The following EPHB2 variants were observed in gnomAD, a reference collection of about 807,000 sequenced individuals.
The protein encoded by EPHB2 is EPH receptor B2.
In EPHB2, 18 loss-of-function variants were observed where a neutral mutation model predicts 96.4. The ratio of observed to expected loss-of-function variants is 0.19; its 90% CI spans 0.13 to 0.28. The LOEUF (loss-of-function observed/expected upper bound fraction) is 0.28, where lower values mean the gene tolerates loss of function less well. Among genes scored for constraint, EPHB2 ranks in the 10% least tolerant of loss-of-function variants. The pLI is 1.00. For synonymous variants in EPHB2, 506 were observed against 534.1 expected, an observed-to-expected ratio of 0.95 and a Z score of 0.72; for missense variants, 989 against 1,355.4, an observed-to-expected ratio of 0.73 and a Z score of 4.25.
chr1:22,781,923 CT>C (rs1644538763), intron 2 of EPHB2, among the ~76,000 whole-genome samples: 1 of 152,164 alleles, frequency 6.6e-6, no homozygotes, highest in Admixed American at 6.5e-5. Context: ...GTGTAGCCAC[CT>C]GCCCAGGGCC....
At chr1:22,825,702 C>T (rs1043682099) in intron 3 of EPHB2, among the ~76,000 whole-genome samples, 1 of 152,200 alleles carries the variant, frequency 6.6e-6, no homozygotes, top group Non-Finnish European at 1.5e-5. Context: ...GCTAGGGCCA[C>T]CCTGGGGGCC....
rs897322000 is a variant in EPHB2 at position 22,913,149 on chromosome 1, C to T, written c.2853-313C>T. On this transcript the variant is annotated intron_variant, in intron 15 of 15. Coordinates refer to ENST00000374630, the MANE Select transcript of EPHB2 (RefSeq NM_017449.5). The surrounding 1 kb of genome is among the most constrained non-coding windows in gnomAD (Gnocchi z 4.1). ...TAGAGGTTGCAGTGAGCTGAGATCA[C>T]GCCACTGCACACCAGCCTGGGTGAC... The T allele has an allele frequency of 2.3e-5, 10 of 430,236 alleles. No homozygotes were observed. Among genetic ancestry groups the T allele is most frequent in the South Asian group, 4.3e-5 (2 of 46,912 alleles). The allele number at this position is 430,236 out of a possible 1,614,324, so 26.7% of individuals were successfully genotyped here. A position where few individuals can be genotyped will look rare whatever the true frequency, so the allele number is the denominator to read the frequency against.
chr1:22,871,361 C>T (rs1393449165), intron 5 of EPHB2, among the ~76,000 whole-genome samples: 2 of 152,122 alleles, frequency 1.3e-5, no homozygotes, highest in Non-Finnish European at 2.9e-5. Context: ...ACAGGGTCAG[C>T]CACTTAGGAA....
chr1:22,737,778 T>C (rs753643849), intron 1 of EPHB2, among the ~76,000 whole-genome samples: 1 of 152,198 alleles, frequency 6.6e-6, no homozygotes, highest in Non-Finnish European at 1.5e-5. Context: ...GGGTTGATGT[T>C]TTATGAATGA....
chr1:22,764,337 A>G (rs1644276627), intron 1 of EPHB2, among the ~76,000 whole-genome samples: 1 of 152,220 alleles, frequency 6.6e-6, no homozygotes, highest in Non-Finnish European at 1.5e-5. Context: ...CTTAACATGC[A>G]TGATCTTGTC....
intron 3 of EPHB2, among the ~76,000 whole-genome samples, chr1:22,806,896 C>A (rs966829596): frequency 1.8e-4 from 28 of 151,528 alleles, no homozygotes; most frequent in Admixed American, 7.2e-4. Context: ...CCCCTCGTCA[C>A]CACCCCCCAG....
chr1:22,868,407 C>T (rs1334491340), intron 5 of EPHB2, among the ~76,000 whole-genome samples: 1 of 152,122 alleles, frequency 6.6e-6, no homozygotes, highest in African/African-American at 2.4e-5. Flanking sequence ...GTCAGCTACT[C>T]CTGCAATAAT....
chr1:22,764,423 G>A (rs116840499), intron 1 of EPHB2, among the ~76,000 whole-genome samples: 2,232 of 152,228 alleles, frequency 0.015, 60 homozygotes, highest in African/African-American at 0.049. Flanking sequence ...ACTTGCCCTG[G>A]GGTAGTGGGT....
At chr1:22,908,925 A>C in intron 12 of EPHB2, 97 bp from the exon 13 acceptor site, 4 of 1,550,258 alleles carry the variant, frequency 2.6e-6, no homozygotes, top group Non-Finnish European at 3.5e-6. Flanking sequence ...GTGCCTCATG[A>C]GATTGGGGCA....
chr1:22,774,111 G>A (rs1644415216), intron 1 of EPHB2, among the ~76,000 whole-genome samples: 1 of 152,056 alleles, frequency 6.6e-6, no homozygotes, highest in African/African-American at 2.4e-5. Context: ...CCCTGTATGT[G>A]GCGTGCCCTT....
At chr1:22,912,965 C>G (rs1328422440) in intron 15 of EPHB2, 3 of 361,848 alleles carry the variant, frequency 8.3e-6, no homozygotes, top group African/African-American at 2.1e-5. Context: ...GAGGCCGAGG[C>G]GGGCAGATCA....
chr1:22,726,023 C>T (rs554568974), intron 1 of EPHB2, among the ~76,000 whole-genome samples: 1 of 152,212 alleles, frequency 6.6e-6, no homozygotes, highest in Non-Finnish European at 1.5e-5. Context: ...TACATCCTTC[C>T]TTCTCACAAT....
At chr1:22,792,936 C>T (rs1644715620) in intron 3 of EPHB2, among the ~76,000 whole-genome samples, 2 of 152,234 alleles carry the variant, frequency 1.3e-5, no homozygotes, top group Non-Finnish European at 2.9e-5. Context: ...CAGGAACAGG[C>T]GGTCAGAGGA....
At position 22,773,441 on chromosome 1, in the gene EPHB2, C is replaced by T. The variant is rs1188479058; in HGVS notation, c.62-7980C>T. Among the ~76,000 whole-genome samples the T allele has an allele frequency of 2.6e-5, 4 of 152,178 alleles. No homozygotes were observed. In the East Asian group the frequency reaches 5.8e-4, roughly 22 times the overall value. ...TGCAACAGGAACCGCTGGGAAGAGCCTGGGCTGGCATCTGCTGCATGGGTC... is the reference window on the plus strand; with the variant it reads ...TGCAACAGGAACCGCTGGGAAGAGCTTGGGCTGGCATCTGCTGCATGGGTC... On this transcript the variant is annotated intron_variant, in intron 1 of 15. Coordinates refer to ENST00000374630, the MANE Select transcript of EPHB2 (RefSeq NM_017449.5).
intron 6 of EPHB2, among the ~76,000 whole-genome samples, chr1:22,889,451 T>C (rs1279630940): frequency 6.6e-6 from 1 of 152,238 alleles, no homozygotes; most frequent in African/African-American, 2.4e-5. Context: ...GTTTTGTAGA[T>C]TTTTGAATAC....
At chr1:22,718,493 T>C (rs1393744722) in intron 1 of EPHB2, among the ~76,000 whole-genome samples, 9 of 151,528 alleles carry the variant, frequency 5.9e-5, no homozygotes, top group Non-Finnish European at 1.3e-4. Context: ...TCAAGAGATT[T>C]TCCTGCCTCA....
intron 2 of EPHB2, among the ~76,000 whole-genome samples, chr1:22,782,443 C>T (rs987231281): frequency 1.4e-5 from 2 of 143,652 alleles, no homozygotes; most frequent in African/African-American, 5.1e-5. Context: ...CAGCTGCTGC[C>T]CCAGGGAACT....
At chr1:22,877,777 T>C (rs1329617969) in intron 5 of EPHB2, among the ~76,000 whole-genome samples, 1 of 152,194 alleles carries the variant, frequency 6.6e-6, no homozygotes, top group Non-Finnish European at 1.5e-5. Flanking sequence ...CAAGTCACTT[T>C]CTTTCTCTGG....
At chr1:22,759,269 C>G (rs1570227917) in intron 1 of EPHB2, among the ~76,000 whole-genome samples, 2 of 152,250 alleles carry the variant, frequency 1.3e-5, no homozygotes, top group South Asian at 4.2e-4. Flanking sequence ...CTAGTTATCT[C>G]ATCTGTAAAA....
Sources: gnomAD v4.1 joint callset for allele counts (sites outside exome capture counted in the v4.1 genomes callset) on GRCh38, gnomAD v4.1.1 for gene constraint, Gnocchi (gnomAD v3.1) non-coding constraint, MANE v1.5 for transcripts, NCBI Gene and HGNC (gene_info 2026-07-23, HGNC 2026-07-21) for gene names.